The following PWWP2A variants were observed in gnomAD, a reference collection of about 807,000 sequenced individuals.
PWWP2A encodes the protein PWWP domain containing 2A, also known as PWWP domain-containing protein 2A.
A neutral mutation model predicts 48.5 loss-of-function variants in PWWP2A; 18 were observed. That is an observed-to-expected ratio of 0.37 (90% CI 0.26 to 0.55). The LOEUF (loss-of-function observed/expected upper bound fraction) is 0.55. PWWP2A is among the 20% of genes least tolerant of loss of function. The pLI, the probability that PWWP2A is intolerant of heterozygous loss-of-function variation, is 0.81. For synonymous variants in PWWP2A, 396 were observed against 387.7 expected, an observed-to-expected ratio of 1.02 and a Z score of -0.25; for missense variants, 867 against 976.4, an observed-to-expected ratio of 0.89 and a Z score of 1.49.
At chr5:160,118,661 G>A (rs1734132844) in intron 1 of PWWP2A, 144 bp downstream of exon 1, 1 of 833,082 alleles carries the variant, frequency 1.2e-6, no homozygotes, top group Non-Finnish European at 1.7e-6. Flanking sequence ...GCCCCACTCG[G>A]AGCGCGCGCC....
chr5:160,112,332 T>C (rs996260760), intron 1 of PWWP2A, among the ~76,000 whole-genome samples: 3 of 152,026 alleles, frequency 2.0e-5, no homozygotes, highest in African/African-American at 7.2e-5. Flanking sequence ...GCAATTCTCC[T>C]GCCTCAGCCT....
intron 2 of PWWP2A, among the ~76,000 whole-genome samples, chr5:160,068,980 G>A (rs1294590161): frequency 6.6e-6 from 1 of 152,106 alleles, no homozygotes; most frequent in Non-Finnish European, 1.5e-5. Flanking sequence ...GTCAGCTTAG[G>A]AGGCTTACTT....
At chr5:160,064,645 C>T (rs1753544962) in intron 4 of PWWP2A, among the ~76,000 whole-genome samples, 1 of 152,098 alleles carries the variant, frequency 6.6e-6, no homozygotes, top group African/African-American at 2.4e-5. Context: ...ATAGCACTGG[C>T]CAGTTAGGAC....
downstream of PWWP2A, among the ~76,000 whole-genome samples, chr5:160,088,378 G>A (rs571414575): frequency 5.9e-5 from 9 of 152,144 alleles, no homozygotes; most frequent in South Asian, 4.2e-4. Context: ...GATTACAGGC[G>A]TATGCCACCA....
chr5:160,061,671 TCCCC>T (rs1753413065), downstream of PWWP2A: 1 of 150,708 alleles, frequency 6.6e-6, no homozygotes, highest in Non-Finnish European at 1.5e-5. Flanking sequence ...TTTTTTTTTT[TCCCC>T]CTTAAGTGAT....
the PWWP2A span, chr5:160,051,273 GA>G: frequency 1.4e-5 from 15 of 1,048,902 alleles, no homozygotes; most frequent in South Asian, 2.2e-4. Flanking sequence ...ACATGAGTTA[GA>G]AAGTTTCGGA....
At position 160,118,934 on chromosome 5, in the gene PWWP2A, G is replaced by A. The variant is rs376919084; in HGVS notation, c.455C>T (p.Thr152Met). 8.1e-6 allele frequency: 13 copies of A among 1,598,942 alleles called. No individual in the cohort carries two copies. The highest frequency in any genetic ancestry group is 1.1e-5 in the Non-Finnish European group (13 of 1,173,930). The change falls in exon 1 of 2, where the codon ACG becomes ATG. Residue 152 changes from threonine to methionine, a missense_variant. By Grantham distance (81) the Thr-to-Met change is moderately conservative (BLOSUM62 -1). Around this residue, in one of 4 missense-constraint regions of PWWP2A, gnomAD observed 385 missense variants for 396.9 expected, o/e 0.97. Transcript: ENST00000307063. ...CGAGCCCGGGATCAGTTGCGACACC[G>A]TGGAGTCCCCGCCCGCCGGCGGCAC... is the stretch of plus-strand genomic sequence containing the variant. ...ALVPPAGGDS[T>M]VSQLIPGSEV...
downstream of PWWP2A, among the ~76,000 whole-genome samples, chr5:160,058,271 A>G (rs1044278041): frequency 1.3e-5 from 2 of 152,280 alleles, no homozygotes; most frequent in South Asian, 4.1e-4. Context: ...TATTGTCACC[A>G]CATCTGCAGC....
downstream of PWWP2A, among the ~76,000 whole-genome samples, chr5:160,057,155 C>T (rs767964087): frequency 3.3e-5 from 5 of 152,154 alleles, no homozygotes; most frequent in Non-Finnish European, 5.9e-5. The surrounding 1 kb of genome is among the most constrained non-coding windows in gnomAD (Gnocchi z 4.4). Context: ...CTTTTGTCTT[C>T]ATTTCCTAAT....
Position 160,093,821 on chromosome 5 carries a change from A to G in PWWP2A, c.829T>C (p.Phe277Leu). 6.2e-7 allele frequency: 1 copy of G among 1,614,034 alleles called. No individual in the cohort carries two copies. ...GATTGGTTATATGTGTCCCTGATAA[A>G]CAAAGGGGGAGGATAAGGTGCTCCT... ...HEGAPYPPPL[F>L]IRDTYNQSIP... is the part of the protein sequence containing the mutation. The change falls in exon 2 of 2, where the codon TTT becomes CTT. Residue 277 changes from phenylalanine to leucine, a missense_variant. Physicochemically the swap from Phe to Leu is conservative, Grantham distance 22 (BLOSUM62 0). This residue lies in a region of PWWP2A where 385 missense variants were observed against 396.9 expected (regional missense o/e 0.97). Coordinates refer to ENST00000307063, the MANE Select transcript of PWWP2A (RefSeq NM_001130864.2). The surrounding 1 kb of genome is among the most constrained non-coding windows in gnomAD (Gnocchi z 5.8).
chr5:160,049,991 T>C, the PWWP2A span, among the ~76,000 whole-genome samples: 1 of 152,134 alleles, frequency 6.6e-6, no homozygotes, highest in Admixed American at 6.6e-5. Flanking sequence ...GAGAATTGCT[T>C]GAACCCAGAA....
At chr5:160,110,308 A>C (rs1409128682) in intron 1 of PWWP2A, among the ~76,000 whole-genome samples, 1 of 152,092 alleles carries the variant, frequency 6.6e-6, no homozygotes, top group African/African-American at 2.4e-5. Flanking sequence ...ACAGTCTGAC[A>C]TTTTAACAGT....
At position 160,093,798 on chromosome 5, in the gene PWWP2A, T is replaced by C. The variant is rs375075969; in HGVS notation, c.852A>G (p.Gln284=). 11 of 1,613,940 alleles carry C rather than the reference T, an allele frequency of 6.8e-6. No individual in the cohort carries two copies. The African/African-American group carries it at 1.1e-4, about 16-fold the overall frequency. The change falls in exon 2 of 2, where the codon CAA becomes CAG. Residue 284 remains glutamine (Q), a synonymous_variant. Coordinates refer to ENST00000307063, the MANE Select transcript of PWWP2A (RefSeq NM_001130864.2). This position sits in a 1 kb window ranked among gnomAD's most constrained non-coding sequence, Gnocchi z 5.8. ...TCCGAGGAGGTGGCTGAGGTATTGA[T>C]TGGTTATATGTGTCCCTGATAAACA... The part of the protein sequence containing the change: ...PPLFIRDTYN[Q]SIPQPPPRKI...
intron 4 of PWWP2A, chr5:160,065,323 C>T: frequency 1.7e-6 from 1 of 597,064 alleles, no homozygotes. Context: ...GTCCTATGTC[C>T]AGGAAGAAGC....
chr5:160,109,429 G>C (rs1757222089), intron 1 of PWWP2A, among the ~76,000 whole-genome samples: 2 of 151,740 alleles, frequency 1.3e-5, no homozygotes, highest in African/African-American at 4.8e-5. Context: ...TCTGCAAGAA[G>C]ATTTTTAAGG....
At chr5:160,074,676 G>A (rs922136077), downstream of PWWP2A, among the ~76,000 whole-genome samples, 9 of 151,124 alleles carry the variant, frequency 6.0e-5, no homozygotes, top group African/African-American at 2.2e-4. Context: ...AACCCGGGAG[G>A]CGGAGGTTGC....
chr5:160,064,918 C>T, intron 4 of PWWP2A: 1 of 1,603,440 alleles, frequency 6.2e-7, no homozygotes, highest in Non-Finnish European at 8.5e-7. Flanking sequence ...TGAGTTTTTG[C>T]TTTTACATTA....
rs868724539 is a variant in PWWP2A, at chr5:160,091,827, C to T, written c.*555G>A. ...ACCATCTAACTTTTACACCATTATG[C>T]GCATAGAAAGGCTAAGTGTTCATTA... On this transcript the variant is annotated 3_prime_UTR_variant, in exon 2 of 2. Transcript: ENST00000307063. 129 of 984,926 alleles carry T rather than the reference C, an allele frequency of 1.3e-4. No homozygotes were observed. The African/African-American group carries it at 1.7e-3, about 13-fold the overall frequency. The allele number at this position is 984,926 out of a possible 1,614,324, so 61.0% of individuals were successfully genotyped here.
downstream of PWWP2A, among the ~76,000 whole-genome samples, chr5:160,056,872 A>G (rs2113410125): frequency 6.6e-6 from 1 of 152,320 alleles, no homozygotes; most frequent in East Asian, 1.9e-4. Flanking sequence ...CAAGTAGTAG[A>G]AGGTCCTAGA....
Sources: allele counts gnomAD v4.1 joint callset (sites outside exome capture counted in the v4.1 genomes callset), GRCh38; gene constraint gnomAD v4.1.1; regional missense constraint gnomAD v4.1.1; non-coding constraint Gnocchi (gnomAD v3.1); transcripts MANE v1.5; gene names NCBI Gene and HGNC (gene_info 2026-07-23, HGNC 2026-07-21).